Variants in SLC16A10 observed in about 807,000 individuals in gnomAD.
The protein encoded by SLC16A10 is monocarboxylate transporter 10.
SLC16A10 carries 27 observed loss-of-function variants against 40.0 expected under a neutral mutation model. The observed-to-expected ratio is 0.67, with a 90% confidence interval of 0.50 to 0.93. The LOEUF (loss-of-function observed/expected upper bound fraction) is 0.93, where lower values mean the gene tolerates loss of function less well. SLC16A10 is among the 40% of genes least tolerant of loss of function. The pLI, the probability that SLC16A10 is intolerant of heterozygous loss-of-function variation, is 0.00. For synonymous variants in SLC16A10, 213 were observed against 249.8 expected (o/e 0.85, Z 1.39); for missense variants, 529 against 658.2 (o/e 0.80, Z 2.15).
At chr6:111,165,867 C>T (rs1772462943) in intron 1 of SLC16A10, among the ~76,000 whole-genome samples, 1 of 152,190 alleles carries the variant, frequency 6.6e-6, no homozygotes, top group Non-Finnish European at 1.5e-5. Flanking sequence ...CCTGGGCTTC[C>T]ATTGTAAAAT....
In SLC16A10 at chr6:111,224,073, C is replaced by T. The variant is rs1770948884; in HGVS notation, c.*1838C>T. 6.6e-6 allele frequency: 1 copy of T among 152,162 alleles called. No homozygotes were observed. The highest frequency in any genetic ancestry group is 6.5e-5 in the Admixed American group (1 of 15,268). 9.4% of individuals were successfully genotyped at this position (152,162 alleles called of 1,614,324 possible). The stretch of plus-strand genomic sequence containing the variant: ...TGGGTAACATAATGAGACCCTGTGT[C>T]TACAAAAAATTTAAAAATTAGCCAG... On this transcript the variant is annotated 3_prime_UTR_variant, in exon 6 of 6. Coordinates refer to ENST00000368851, the MANE Select transcript of SLC16A10 (RefSeq NM_018593.5).
At chr6:111,177,062 T>G in intron 2 of SLC16A10, 150 bp from the exon 3 acceptor site, 1 of 471,354 alleles carries the variant, frequency 2.1e-6, no homozygotes, top group Non-Finnish European at 3.5e-6. Context: ...TTTCCCTCTA[T>G]TTTGGTTAAT....
At chr6:111,116,288 G>A (rs1771485530) in intron 1 of SLC16A10, among the ~76,000 whole-genome samples, 1 of 152,014 alleles carries the variant, frequency 6.6e-6, no homozygotes, top group Non-Finnish European at 1.5e-5. Flanking sequence ...CGCAATCTCG[G>A]CTCACTGAAA....
intron 1 of SLC16A10, among the ~76,000 whole-genome samples, chr6:111,109,139 A>G (rs1771339283): frequency 6.6e-6 from 1 of 152,214 alleles, no homozygotes; most frequent in African/African-American, 2.4e-5. Flanking sequence ...TCTGACAATC[A>G]AACTGTATAC....
intron 4 of SLC16A10, among the ~76,000 whole-genome samples, chr6:111,217,225 TC>T: frequency 6.6e-6 from 1 of 152,296 alleles, no homozygotes; most frequent in East Asian, 1.9e-4. Flanking sequence ...TCTCCCAGCG[TC>T]ACTATCTTCA....
intron 1 of SLC16A10, among the ~76,000 whole-genome samples, chr6:111,114,066 AT>A (rs1239711387): frequency 6.6e-6 from 1 of 152,018 alleles, no homozygotes; most frequent in African/African-American, 2.4e-5. Context: ...CAAGCAGGGA[AT>A]TTTTTTCTTT....
At chr6:111,182,404 C>A (rs1174580411) in intron 3 of SLC16A10, among the ~76,000 whole-genome samples, 1 of 144,138 alleles carries the variant, frequency 6.9e-6, no homozygotes, top group South Asian at 2.3e-4. Context: ...TTTCTGCCTA[C>A]CTCCACATCA....
intron 4 of SLC16A10, among the ~76,000 whole-genome samples, chr6:111,213,844 A>G (rs1269211771): frequency 2.6e-5 from 4 of 152,242 alleles, no homozygotes; most frequent in African/African-American, 9.6e-5. Flanking sequence ...GTGATGGGCC[A>G]GCAGAACTCT....
intron 1 of SLC16A10, among the ~76,000 whole-genome samples, chr6:111,088,820 GT>G (rs1400584868): frequency 1.3e-5 from 2 of 152,018 alleles, no homozygotes; most frequent in African/African-American, 4.8e-5. Context: ...CAGATTCAGC[GT>G]TTTCTCCCTG....
chr6:111,136,921 C>T (rs544699789), intron 1 of SLC16A10, among the ~76,000 whole-genome samples: 9 of 152,262 alleles, frequency 5.9e-5, no homozygotes, highest in African/African-American at 2.2e-4. Context: ...TCCATGCTCA[C>T]GCAGCAATAT....
chr6:111,216,617 G>C (rs940455677), intron 4 of SLC16A10, among the ~76,000 whole-genome samples: 1 of 148,352 alleles, frequency 6.7e-6, no homozygotes, highest in East Asian at 2.0e-4. Context: ...GGGTTTCACC[G>C]TGTTAGCCAG....
intron 1 of SLC16A10, among the ~76,000 whole-genome samples, chr6:111,170,495 T>G (rs1772565156): frequency 6.6e-6 from 1 of 152,218 alleles, no homozygotes; most frequent in Admixed American, 6.5e-5. Context: ...CTGCCCAGGC[T>G]GGAGTGCGCA....
At chr6:111,151,415 A>C (rs919322455) in intron 1 of SLC16A10, among the ~76,000 whole-genome samples, 8 of 152,092 alleles carry the variant, frequency 5.3e-5, no homozygotes, top group African/African-American at 1.9e-4. Flanking sequence ...CATCTTTTTT[A>C]ATCTAATGGA....
chr6:111,165,262 G>A (rs1400298273), intron 1 of SLC16A10, among the ~76,000 whole-genome samples: 1 of 152,142 alleles, frequency 6.6e-6, no homozygotes, highest in Non-Finnish European at 1.5e-5. Context: ...GGAAAACAGA[G>A]GTTTTTTTCT....
chr6:111,221,133 T>G (rs768404068), intron 5 of SLC16A10, among the ~76,000 whole-genome samples: 1 of 152,214 alleles, frequency 6.6e-6, no homozygotes, highest in Non-Finnish European at 1.5e-5. Flanking sequence ...TTTAGATAAC[T>G]TAGGTTTTAT....
At chr6:111,100,968 CTCTCTCTCTCTCTCTCTCTCTCTCTATA>C (rs1288967879) in intron 1 of SLC16A10, among the ~76,000 whole-genome samples, 6 of 113,172 alleles carry the variant, frequency 5.3e-5, no homozygotes, top group Non-Finnish European at 8.5e-5. Context: ...CCCTCTCTCT[CTCTCTCTCTCTCTCTCTCTCTCTCTATA>C]TATATATATA....
chr6:111,133,598 G>A (rs1771824436), intron 1 of SLC16A10, among the ~76,000 whole-genome samples: 1 of 152,172 alleles, frequency 6.6e-6, no homozygotes, highest in Non-Finnish European at 1.5e-5. Context: ...GGCAAATGGA[G>A]TGAAGTGCCA....
At chr6:111,126,322 G>A (rs1162517268) in intron 1 of SLC16A10, among the ~76,000 whole-genome samples, 2 of 152,074 alleles carry the variant, frequency 1.3e-5, no homozygotes, top group African/African-American at 4.8e-5. Flanking sequence ...GTAAAGGGCA[G>A]GTTGACTTCA....
At chr6:111,164,852 T>C (rs1583338128) in intron 1 of SLC16A10, among the ~76,000 whole-genome samples, 1 of 152,368 alleles carries the variant, frequency 6.6e-6, no homozygotes, top group East Asian at 1.9e-4. Context: ...ACCACATGTT[T>C]ACATTTTGAA....
Sources: gnomAD v4.1 joint callset for allele counts (sites outside exome capture counted in the v4.1 genomes callset) on GRCh38, gnomAD v4.1.1 for gene constraint, MANE v1.5 for transcripts, NCBI Gene and HGNC (gene_info 2026-07-23, HGNC 2026-07-21) for gene names.